The following MECOM variants were observed in gnomAD, a reference collection of about 807,000 sequenced individuals.
MECOM encodes the protein MDS1 and EVI1 complex locus.
A neutral mutation model predicts 116.3 loss-of-function variants in MECOM; 13 were observed. The observed-to-expected ratio is 0.11, with a 90% CI of 0.07 to 0.18. MECOM has a LOEUF of 0.18. Among genes scored for constraint, MECOM ranks in the 10% least tolerant of loss-of-function variants. The pLI, the probability that MECOM is intolerant of heterozygous loss-of-function variation, is 1.00. For synonymous variants in MECOM, 528 were observed against 535.2 expected (o/e 0.99, Z 0.19); for missense variants, 1,299 against 1,509.0 (o/e 0.86, Z 2.31).
At chr3:169,639,635 T>C (rs1773217982) in intron 1 of MECOM, among the ~76,000 whole-genome samples, 1 of 152,216 alleles carries the variant, frequency 6.6e-6, no homozygotes, top group African/African-American at 2.4e-5. Context: ...ATAACTAATA[T>C]CTTCCAAGTA....
At chr3:169,369,173 G>T (rs1180778362) in intron 2 of MECOM, among the ~76,000 whole-genome samples, 1 of 151,860 alleles carries the variant, frequency 6.6e-6, no homozygotes, top group Non-Finnish European at 1.5e-5. Flanking sequence ...TTTCATAGAA[G>T]AAAGAATAAG....
chr3:169,328,079 C>G (rs999207733), intron 2 of MECOM, among the ~76,000 whole-genome samples: 3 of 152,108 alleles, frequency 2.0e-5, no homozygotes, highest in Non-Finnish European at 4.4e-5. Flanking sequence ...CATGCTACAC[C>G]CTCCTTTCAG....
intron 1 of MECOM, among the ~76,000 whole-genome samples, chr3:169,450,004 C>T (rs1330963930): frequency 1.3e-5 from 2 of 152,146 alleles, no homozygotes; most frequent in African/African-American, 4.8e-5. Context: ...AACATGTCAA[C>T]AATTTTGCTT....
At chr3:169,399,378 G>A (rs753783423) in intron 1 of MECOM, among the ~76,000 whole-genome samples, 9 of 152,180 alleles carry the variant, frequency 5.9e-5, no homozygotes, top group Non-Finnish European at 8.8e-5. Context: ...GCCACCACGG[G>A]AAGAGGTATT....
chr3:169,560,373 G>C (rs1445461845), intron 1 of MECOM, among the ~76,000 whole-genome samples: 1 of 152,090 alleles, frequency 6.6e-6, no homozygotes, highest in Admixed American at 6.5e-5. Flanking sequence ...TTAGACTTAT[G>C]CTGGACTCCC....
At chr3:169,378,518 G>A (rs10575945) in intron 2 of MECOM, among the ~76,000 whole-genome samples, 68 of 18,686 alleles carry the variant, frequency 3.6e-3, no homozygotes, top group East Asian at 5.8e-3. Context: ...AGAAAGAAAA[G>A]AAAGAAAGAA....
At chr3:169,550,524 C>G (rs981474280) in intron 1 of MECOM, among the ~76,000 whole-genome samples, 1 of 152,248 alleles carries the variant, frequency 6.6e-6, no homozygotes, top group African/African-American at 2.4e-5. Flanking sequence ...ACAAGGAACT[C>G]AAGAGGTGTG....
intron 1 of MECOM, among the ~76,000 whole-genome samples, chr3:169,632,516 C>G (rs1193453163): frequency 1.3e-5 from 2 of 152,184 alleles, no homozygotes; most frequent in Non-Finnish European, 2.9e-5. Flanking sequence ...ACTTACCGCT[C>G]TATTTTACAC....
At chr3:169,654,015 G>T (rs1218807330) in intron 1 of MECOM, among the ~76,000 whole-genome samples, 3 of 152,186 alleles carry the variant, frequency 2.0e-5, no homozygotes, top group African/African-American at 7.2e-5. Context: ...ATAACTCATT[G>T]ATAATGCTTA....
chr3:169,628,772 G>A (rs1771701090), intron 1 of MECOM, among the ~76,000 whole-genome samples: 1 of 152,178 alleles, frequency 6.6e-6, no homozygotes, highest in Non-Finnish European at 1.5e-5. Context: ...GGAGCTCAGG[G>A]GGAGGAGCAT....
chr3:169,365,049 C>T (rs1192747905), intron 2 of MECOM, among the ~76,000 whole-genome samples: 1 of 151,952 alleles, frequency 6.6e-6, no homozygotes. Flanking sequence ...ATCCATTGGG[C>T]AAGAAATCTA....
chr3:169,378,568 AAG>A (rs1166220826), intron 2 of MECOM, among the ~76,000 whole-genome samples: 2 of 131,304 alleles, frequency 1.5e-5, no homozygotes, highest in Non-Finnish European at 3.2e-5. Flanking sequence ...GAAAGAAAGA[AAG>A]AAAGAAAGAA....
intron 1 of MECOM, among the ~76,000 whole-genome samples, chr3:169,489,630 A>C (rs939647330): frequency 1.3e-5 from 2 of 152,200 alleles, no homozygotes; most frequent in African/African-American, 2.4e-5. Context: ...CATTATTAAT[A>C]AATCAGTGGG....
intron 2 of MECOM, among the ~76,000 whole-genome samples, chr3:169,246,605 T>C (rs1280425824): frequency 1.3e-5 from 2 of 149,688 alleles, no homozygotes; most frequent in African/African-American, 4.9e-5. Context: ...CTCAGCTCAC[T>C]GCAACCTCTG....
intron 2 of MECOM, among the ~76,000 whole-genome samples, chr3:169,378,544 A>G (rs1014345447): frequency 3.1e-5 from 4 of 127,806 alleles, no homozygotes; most frequent in Admixed American, 7.7e-5. Flanking sequence ...GAAAGAAAGA[A>G]AGAAAGAAAG....
At chr3:169,434,675 T>C (rs1742339502) in intron 1 of MECOM, among the ~76,000 whole-genome samples, 3 of 152,174 alleles carry the variant, frequency 2.0e-5, no homozygotes, top group Admixed American at 6.6e-5. Context: ...GAACTGGGGT[T>C]GAGGTAGATG....
intron 2 of MECOM, among the ~76,000 whole-genome samples, chr3:169,202,903 G>T (rs1393270010): frequency 6.6e-6 from 1 of 151,100 alleles, no homozygotes; most frequent in Non-Finnish European, 1.5e-5. Context: ...CAAGCAGATG[G>T]ATTTATTAGG....
chr3:169,624,999 A>G (rs1041370018), intron 1 of MECOM, among the ~76,000 whole-genome samples: 38 of 150,806 alleles, frequency 2.5e-4, no homozygotes, highest in Non-Finnish European at 4.9e-4. Context: ...AACCCTTCTG[A>G]GTTTCTGAGC....
In MECOM at chr3:169,550,059, A is replaced by C. The variant is rs77826967; in HGVS notation, c.37+113277T>G. Among the ~76,000 whole-genome samples the C allele has an allele frequency of 7.0e-3, 1,059 of 152,312 alleles. 10 individuals are homozygous for C. Among genetic ancestry groups the C allele is most frequent in the African/African-American group, 0.021 (867 of 41,562 alleles). On this transcript the variant is annotated intron_variant, in intron 1 of 16. Coordinates refer to ENST00000651503, the MANE Select transcript of MECOM (RefSeq NM_004991.4). The stretch of plus-strand genomic sequence containing the variant: ...AGGAGGAAAGGCTAGCTTGAGTTAG[A>C]CTTTGAATGATGAGGAAGGGGATTT...
Sources: allele counts gnomAD v4.1 joint callset (sites outside exome capture counted in the v4.1 genomes callset), GRCh38; gene constraint gnomAD v4.1.1; transcripts MANE v1.5; gene names NCBI Gene and HGNC (gene_info 2026-07-23, HGNC 2026-07-21).